FNDC3A: variants seen among roughly 807,000 people sequenced by gnomAD.
The protein encoded by FNDC3A is fibronectin type III domain containing 3A.
Under a neutral mutation model 148.9 loss-of-function variants are expected in FNDC3A, and 32 were observed. The ratio of observed to expected loss-of-function variants is 0.21; its 90% CI spans 0.16 to 0.29. The LOEUF is 0.29. Among genes scored for constraint, FNDC3A ranks in the 10% least tolerant of loss-of-function variants. The pLI is 1.00. For missense variants in FNDC3A, 1,191 were observed against 1,452.8 expected (o/e 0.82, Z 2.93); for synonymous variants, 472 against 473.6 (o/e 1.00, Z 0.04).
chr13:49,118,677 G>A (rs1376995254), intron 4 of FNDC3A, among the ~76,000 whole-genome samples: 2 of 152,118 alleles, frequency 1.3e-5, no homozygotes, highest in Non-Finnish European at 2.9e-5. Context: ...GGGGAGGGGC[G>A]TCTGCCATTA....
At chr13:49,114,011 T>C (rs1418532277) in intron 3 of FNDC3A, among the ~76,000 whole-genome samples, 2 of 152,134 alleles carry the variant, frequency 1.3e-5, no homozygotes, top group Non-Finnish European at 2.9e-5. Context: ...TAGAACTTTT[T>C]AGTGTGAGAA....
At chr13:49,086,885 A>G (rs1159334250) in intron 3 of FNDC3A, among the ~76,000 whole-genome samples, 1 of 152,158 alleles carries the variant, frequency 6.6e-6, no homozygotes, top group Non-Finnish European at 1.5e-5. Flanking sequence ...CATGTTTGTA[A>G]AAATGAATTA....
At chr13:49,085,333 G>A (rs1878734330) in intron 3 of FNDC3A, among the ~76,000 whole-genome samples, 1 of 152,254 alleles carries the variant, frequency 6.6e-6, no homozygotes, top group South Asian at 2.1e-4. Context: ...GGAGCTCCTG[G>A]CCTTGTCCTT....
intron 1 of FNDC3A, chr13:48,976,717 C>T (rs995470020): frequency 1.3e-5 from 2 of 152,314 alleles, no homozygotes; most frequent in African/African-American, 4.8e-5. Context: ...TTTCCCCGCT[C>T]ATCTTGGGGT....
At chr13:49,099,928 A>G (rs1010868486) in intron 3 of FNDC3A, among the ~76,000 whole-genome samples, 11 of 152,148 alleles carry the variant, frequency 7.2e-5, no homozygotes, top group Admixed American at 1.3e-4. Context: ...AAAAGAGTCA[A>G]TTGAAGGTAT....
chr13:49,131,056 G>T (rs1280136789), intron 4 of FNDC3A, 81 bp from the exon 5 acceptor site: 3 of 1,105,012 alleles, frequency 2.7e-6, no homozygotes, highest in East Asian at 2.4e-5. Context: ...ATGAGCTACC[G>T]TGCCTACCCT....
chr13:49,135,195 C>A lies in FNDC3A; in HGVS notation c.491-1137C>A, dbSNP rs141858775. On this transcript the variant is annotated intron_variant, in intron 5 of 25. Transcript: ENST00000492622. ...CTTTGGAGAAATGTCTATTTGAATT[C>A]TTCACCCATTTTTTAAATGGGTGGG... 2.6e-5 allele frequency among the ~76,000 whole-genome samples: 4 copies of A among 152,090 alleles called. No individual in the cohort carries two copies. In the East Asian group the frequency reaches 7.7e-4, roughly 29 times the overall value.
chr13:49,039,916 G>T (rs1408399119), intron 2 of FNDC3A, among the ~76,000 whole-genome samples: 1 of 152,148 alleles, frequency 6.6e-6, no homozygotes, highest in African/African-American at 2.4e-5. Context: ...GTTTCATCAT[G>T]TTGGCCAGGC....
chr13:49,045,100 CCTTTCCCTTTCCTTTTTT>C (rs1875278097), intron 2 of FNDC3A: 1 of 175,942 alleles, frequency 5.7e-6, no homozygotes, highest in African/African-American at 2.6e-5. Flanking sequence ...TTTCCCTTTG[CCTTTCCCTTTCCTTTTTT>C]CTTTCCCTTT....
chr13:49,099,245 C>T (rs1437212781), intron 3 of FNDC3A, among the ~76,000 whole-genome samples: 1 of 152,132 alleles, frequency 6.6e-6, no homozygotes, highest in African/African-American at 2.4e-5. Context: ...ACCTTGATCT[C>T]TAGTAAGTAG....
At chr13:49,044,880 A>G (rs1294909719) in intron 2 of FNDC3A, 1 of 301,624 alleles carries the variant, frequency 3.3e-6, no homozygotes. Flanking sequence ...TGTTCTTGGC[A>G]ATGAGCAAAC....
At chr13:49,030,285 T>C (rs1006029358) in intron 2 of FNDC3A, among the ~76,000 whole-genome samples, 2 of 152,186 alleles carry the variant, frequency 1.3e-5, no homozygotes, top group African/African-American at 2.4e-5. Context: ...GTCATCTCAG[T>C]AGACTCAAAA....
At chr13:49,020,601 A>G (rs1007469423) in intron 2 of FNDC3A, among the ~76,000 whole-genome samples, 2 of 152,238 alleles carry the variant, frequency 1.3e-5, no homozygotes, top group African/African-American at 2.4e-5. Context: ...CTGGTGAACT[A>G]CTTGCTGATC....
chr13:49,186,866 TA>T lies in FNDC3A; in HGVS notation c.1757-248del, dbSNP rs199838266. Among the ~76,000 whole-genome samples the T allele has an allele frequency of 3.6e-3, 554 of 151,904 alleles. 10 individuals are homozygous for T. Among genetic ancestry groups the T allele is most frequent in the East Asian group, 0.011 (58 of 5,178 alleles). On this transcript the variant is annotated intron_variant, in intron 15 of 25. Transcript: ENST00000492622. ...CTGGGCAACAGAGTGAGACTCCATC[TA>T]AAAAAAATAAATAAAAATAAGTAAA...
intron 11 of FNDC3A, 130 bp downstream of exon 11, chr13:49,172,226 G>T (rs1884790877): frequency 3.8e-6 from 2 of 533,136 alleles, no homozygotes; most frequent in Non-Finnish European, 6.7e-6. Context: ...TTTGTGTGGT[G>T]CATGAGTGGA....
At chr13:49,050,235 T>C (rs1248671201) in intron 2 of FNDC3A, among the ~76,000 whole-genome samples, 1 of 152,242 alleles carries the variant, frequency 6.6e-6, no homozygotes, top group Non-Finnish European at 1.5e-5. Flanking sequence ...CTTACTTAGA[T>C]TGTCTGTTTG....
intron 1 of FNDC3A, among the ~76,000 whole-genome samples, chr13:49,000,320 A>G (rs747588956): frequency 3.9e-5 from 6 of 152,324 alleles, no homozygotes; most frequent in Non-Finnish European, 7.3e-5. Flanking sequence ...TTCATACATC[A>G]TTTGTTGAAG....
intron 2 of FNDC3A, among the ~76,000 whole-genome samples, chr13:49,051,019 C>T (rs1875801880): frequency 6.6e-6 from 1 of 152,114 alleles, no homozygotes; most frequent in South Asian, 2.1e-4. Flanking sequence ...AGCCCCTTTA[C>T]CTTAAGTTTA....
At chr13:49,142,527 T>A (rs917524683) in intron 7 of FNDC3A, among the ~76,000 whole-genome samples, 10 of 152,292 alleles carry the variant, frequency 6.6e-5, no homozygotes, top group African/African-American at 2.2e-4. Context: ...AATTACTACC[T>A]CAGTCTTCAC....
Sources: allele counts gnomAD v4.1 joint callset (sites outside exome capture counted in the v4.1 genomes callset), GRCh38; gene constraint gnomAD v4.1.1; transcripts MANE v1.5; gene names NCBI Gene and HGNC (gene_info 2026-07-23, HGNC 2026-07-21).